Variants in CNTN4 observed in about 807,000 individuals in gnomAD.
CNTN4 encodes the protein contactin-4.
Under a neutral mutation model 122.5 loss-of-function variants are expected in CNTN4, and 77 were observed. The observed-to-expected ratio is 0.63, with a 90% CI of 0.52 to 0.76. CNTN4 has a LOEUF of 0.76. Among genes scored for constraint, CNTN4 ranks in the 30% least tolerant of loss-of-function variants. The probability of loss-of-function intolerance (pLI) is 0.00; values close to 1 mark genes in which losing one functional copy is unlikely to be tolerated. For synonymous variants in CNTN4, 512 were observed against 447.0 expected (o/e 1.15, Z -1.83); for missense variants, 1,256 against 1,259.1 (o/e 1.00, Z 0.04).
intron 2 of CNTN4, among the ~76,000 whole-genome samples, chr3:2,303,762 A>G (rs2042607191): frequency 6.6e-6 from 1 of 152,118 alleles, no homozygotes; most frequent in East Asian, 1.9e-4. Flanking sequence ...GGACAGCTCC[A>G]AGTTTATGGT....
At chr3:2,971,475 C>A (rs902606882) in intron 13 of CNTN4, among the ~76,000 whole-genome samples, 4 of 152,186 alleles carry the variant, frequency 2.6e-5, no homozygotes, top group South Asian at 4.1e-4. Flanking sequence ...AGAAACCTGG[C>A]AAATTGTAAT....
chr3:2,955,858 A>G (rs939662988), intron 13 of CNTN4, among the ~76,000 whole-genome samples: 3 of 151,448 alleles, frequency 2.0e-5, no homozygotes, highest in Non-Finnish European at 4.4e-5. Context: ...GTGGGGATGT[A>G]AAATGATTCA....
intron 6 of CNTN4, among the ~76,000 whole-genome samples, chr3:2,775,791 ATTTTTTGTC>A (rs1367987570): frequency 6.6e-6 from 1 of 152,030 alleles, no homozygotes; most frequent in African/African-American, 2.4e-5. Context: ...TTGATTATCT[ATTTTTTGTC>A]TTTTTTACTA....
In CNTN4 at chr3:2,752,444, C is replaced by T. The variant is rs532712645; in HGVS notation, c.358+6747C>T. Among the ~76,000 whole-genome samples, 338 of 152,334 alleles carry T rather than the reference C, an allele frequency of 2.2e-3. 2 individuals are homozygous for T. Among genetic ancestry groups the T allele is most frequent in the African/African-American group, 7.8e-3 (325 of 41,578 alleles). ...GCAGTGGCACGATCTCGGCTCACTG[C>T]AACCTCCACCTCCCGGGTCCAAGCG... On this transcript the variant is annotated intron_variant, in intron 6 of 24. Transcript: ENST00000418658.
At chr3:2,795,344 C>T (rs1176278256) in intron 6 of CNTN4, among the ~76,000 whole-genome samples, 1 of 152,020 alleles carries the variant, frequency 6.6e-6, no homozygotes, top group African/African-American at 2.4e-5. Context: ...CTCTTCTCTC[C>T]AAAAAACATG....
At chr3:2,507,015 T>G (rs988850400) in intron 3 of CNTN4, among the ~76,000 whole-genome samples, 1 of 152,222 alleles carries the variant, frequency 6.6e-6, no homozygotes, top group Non-Finnish European at 1.5e-5. Flanking sequence ...TAGCTCATTG[T>G]GCTGAATGTG....
intron 3 of CNTN4, among the ~76,000 whole-genome samples, chr3:2,360,732 G>T (rs572816497): frequency 2.6e-5 from 4 of 152,134 alleles, no homozygotes; most frequent in Non-Finnish European, 4.4e-5. Context: ...ATTAGATCTC[G>T]TGAGAACTCT....
chr3:2,151,425 T>A (rs1051201550), intron 2 of CNTN4, among the ~76,000 whole-genome samples: 2 of 152,228 alleles, frequency 1.3e-5, no homozygotes, highest in African/African-American at 4.8e-5. Flanking sequence ...GCCAGGGCTC[T>A]GGGGCCAAAA....
chr3:2,280,691 G>A (rs2041682278), intron 2 of CNTN4, among the ~76,000 whole-genome samples: 1 of 152,264 alleles, frequency 6.6e-6, no homozygotes, highest in Non-Finnish European at 1.5e-5. Context: ...ATTTTTCATG[G>A]AAAAACCCAA....
chr3:2,905,534 C>T (rs1559645368), intron 12 of CNTN4, among the ~76,000 whole-genome samples: 1 of 152,294 alleles, frequency 6.6e-6, no homozygotes, highest in Middle Eastern at 3.4e-3. Context: ...GGCTTCACCT[C>T]TTAAAGGTCC....
intron 3 of CNTN4, among the ~76,000 whole-genome samples, chr3:2,404,783 C>G (rs1255541481): frequency 6.6e-6 from 1 of 152,116 alleles, no homozygotes; most frequent in Non-Finnish European, 1.5e-5. Context: ...CCTATAACAT[C>G]TCAGTATTTT....
chr3:2,727,289 C>T (rs1050906357), intron 4 of CNTN4, among the ~76,000 whole-genome samples: 13 of 152,174 alleles, frequency 8.5e-5, no homozygotes, highest in Admixed American at 1.3e-4. Flanking sequence ...CATAATCAAA[C>T]GCATTTCTAA....
chr3:2,269,275 A>G (rs975720994), intron 2 of CNTN4, among the ~76,000 whole-genome samples: 3 of 152,046 alleles, frequency 2.0e-5, no homozygotes, highest in Non-Finnish European at 4.4e-5. Flanking sequence ...TTAATCAGGG[A>G]TGTTTCTGGT....
chr3:2,568,115 G>C (rs1455450121), intron 3 of CNTN4, among the ~76,000 whole-genome samples: 1 of 151,926 alleles, frequency 6.6e-6, no homozygotes, highest in Non-Finnish European at 1.5e-5. Flanking sequence ...TTGGATACCA[G>C]CAACATTTTA....
intron 3 of CNTN4, among the ~76,000 whole-genome samples, chr3:2,354,638 G>T (rs2044791203): frequency 6.6e-6 from 1 of 152,194 alleles, no homozygotes. Context: ...TTGCAGTGAA[G>T]TACTAATAGG....
intron 4 of CNTN4, among the ~76,000 whole-genome samples, chr3:2,720,258 T>G (rs2087760665): frequency 6.6e-6 from 1 of 152,158 alleles, no homozygotes; most frequent in Non-Finnish European, 1.5e-5. Context: ...TGCCATGACA[T>G]CAAAAGCCAG....
At chr3:2,205,139 G>C (rs1211774925) in intron 2 of CNTN4, among the ~76,000 whole-genome samples, 1 of 151,330 alleles carries the variant, frequency 6.6e-6, no homozygotes, top group Non-Finnish European at 1.5e-5. Flanking sequence ...TTTTATTAGG[G>C]ACTGTTGGTT....
At chr3:2,322,119 A>G (rs2043295599) in intron 2 of CNTN4, among the ~76,000 whole-genome samples, 2 of 152,216 alleles carry the variant, frequency 1.3e-5, no homozygotes, top group Non-Finnish European at 2.9e-5. Context: ...ATGATAAAGT[A>G]TACATTAGAT....
At chr3:2,883,557 G>A (rs2093936566) in intron 9 of CNTN4, among the ~76,000 whole-genome samples, 1 of 152,198 alleles carries the variant, frequency 6.6e-6, no homozygotes, top group African/African-American at 2.4e-5. Flanking sequence ...CAGAATGACA[G>A]GAAAACAATG....
Sources: allele counts gnomAD v4.1 joint callset (sites outside exome capture counted in the v4.1 genomes callset), GRCh38; gene constraint gnomAD v4.1.1; transcripts MANE v1.5; gene names NCBI Gene and HGNC (gene_info 2026-07-23, HGNC 2026-07-21).